LDB2: variants seen among roughly 807,000 people sequenced by gnomAD.
The protein encoded by LDB2 is LIM domain-binding protein 2.
Under a neutral mutation model 44.3 loss-of-function variants are expected in LDB2, and 12 were observed. That is an observed-to-expected ratio of 0.27 (90% confidence interval 0.17 to 0.44). LDB2 has a LOEUF of 0.44. Ranked by LOEUF, LDB2 falls within the 20% of genes least tolerant of loss-of-function variation. The pLI, the probability that LDB2 is intolerant of heterozygous loss-of-function variation, is 1.00. For missense variants in LDB2, 344 were observed against 473.5 expected, an observed-to-expected ratio of 0.73 and a Z score of 2.54; for synonymous variants, 164 against 174.8, an observed-to-expected ratio of 0.94 and a Z score of 0.49.
At chr4:16,878,312 G>T (rs911216419) in intron 1 of LDB2, among the ~76,000 whole-genome samples, 9 of 152,160 alleles carry the variant, frequency 5.9e-5, no homozygotes, top group African/African-American at 9.7e-5. Flanking sequence ...CTGTTGACAA[G>T]AATAGATAAA....
At chr4:16,543,175 A>T (rs371801566) in intron 5 of LDB2, among the ~76,000 whole-genome samples, 1 of 152,094 alleles carries the variant, frequency 6.6e-6, no homozygotes, top group Non-Finnish European at 1.5e-5. Context: ...TCTATCATTG[A>T]TGGACATTTG....
At chr4:16,809,370 A>G (rs1034115395) in intron 1 of LDB2, among the ~76,000 whole-genome samples, 3 of 152,222 alleles carry the variant, frequency 2.0e-5, no homozygotes, top group African/African-American at 4.8e-5. Flanking sequence ...AATCAGTTCA[A>G]CAAACAGGTG....
intron 2 of LDB2, among the ~76,000 whole-genome samples, chr4:16,600,119 G>C (rs1722171525): frequency 6.6e-6 from 1 of 151,986 alleles, no homozygotes; most frequent in South Asian, 2.1e-4. Flanking sequence ...TGCACAGTCA[G>C]ATATAAATGA....
chr4:16,645,379 G>A (rs4416473), intron 2 of LDB2, among the ~76,000 whole-genome samples: 148,558 of 149,918 alleles, frequency 0.99, 73,622 homozygotes, highest in Middle Eastern at 1. Context: ...TACTAAAAAT[G>A]CAAAAAAATT....
At chr4:16,793,833 C>A (rs1776224900) in intron 1 of LDB2, among the ~76,000 whole-genome samples, 3 of 152,082 alleles carry the variant, frequency 2.0e-5, no homozygotes, top group Admixed American at 2.0e-4. Flanking sequence ...TTAAGAGGGA[C>A]CAGAATGTAA....
At chr4:16,583,571 AGAT>A (rs1442833851) in intron 5 of LDB2, among the ~76,000 whole-genome samples, 1 of 152,242 alleles carries the variant, frequency 6.6e-6, no homozygotes, top group Admixed American at 6.5e-5. Flanking sequence ...TAAAAAAATT[AGAT>A]GATAAGGCTA....
At position 16,543,763 on chromosome 4, in the gene LDB2, T is replaced by TGGATATAATTAAACTAAAGAGCTTC. The variant is rs1301532292; in HGVS notation, c.616-31684_616-31660dup. On this transcript the variant is annotated intron_variant, in intron 5 of 7. Transcript: ENST00000304523. ...GGCAACAAAAGCCAAAATTGACAAA[T>TGGATATAATTAAACTAAAGAGCTTC]GGATATAATTAAACTAAAGAGCTTC... 5.7e-4 allele frequency among the ~76,000 whole-genome samples: 86 copies of TGGATATAATTAAACTAAAGAGCTTC among 152,150 alleles called. 1 individual carries two copies. The highest frequency in any genetic ancestry group is 1.5e-3 in the South Asian group (7 of 4,816).
At chr4:16,618,308 T>C (rs1012860690) in intron 2 of LDB2, among the ~76,000 whole-genome samples, 1 of 152,170 alleles carries the variant, frequency 6.6e-6, no homozygotes, top group East Asian at 1.9e-4. Context: ...CCAGATCAGA[T>C]TCAGAGACAC....
At chr4:16,689,781 T>C (rs1475433600) in intron 2 of LDB2, among the ~76,000 whole-genome samples, 1 of 152,234 alleles carries the variant, frequency 6.6e-6, no homozygotes, top group Non-Finnish European at 1.5e-5. Flanking sequence ...TGAATAATGA[T>C]GCATTCTGGT....
intron 2 of LDB2, among the ~76,000 whole-genome samples, chr4:16,620,877 C>T (rs1010510207): frequency 1.3e-5 from 2 of 152,166 alleles, no homozygotes; most frequent in African/African-American, 4.8e-5. Flanking sequence ...TCTCCAGTAA[C>T]TGTTTATACC....
chr4:16,743,703 G>GA lies in LDB2; in HGVS notation c.235+15454dup, dbSNP rs932712371. 1.1e-4 allele frequency among the ~76,000 whole-genome samples: 16 copies of GA among 150,384 alleles called. No individual in the cohort carries two copies. In the East Asian group the frequency reaches 1.8e-3, roughly 16 times the overall value. ...GAAAGCAGCCCCCAGTTAATAGCCA[G>GA]AAAAAAAAACCCAGAAACCTCCATC... On this transcript the variant is annotated intron_variant, in intron 2 of 7. Coordinates refer to ENST00000304523, the MANE Select transcript of LDB2 (RefSeq NM_001290.5).
chr4:16,567,381 T>C (rs1577807135), intron 5 of LDB2, among the ~76,000 whole-genome samples: 1 of 59,478 alleles, frequency 1.7e-5, no homozygotes, highest in East Asian at 2.4e-4. Flanking sequence ...TGTGTGTGTG[T>C]GTGCGCGTGT....
At chr4:16,517,636 C>T (rs57243302) in intron 5 of LDB2, among the ~76,000 whole-genome samples, 13,638 of 152,150 alleles carry the variant, frequency 0.09, 922 homozygotes, top group African/African-American at 0.17. Context: ...CAGCAAGGCC[C>T]GAGATCCCTC....
intron 1 of LDB2, among the ~76,000 whole-genome samples, chr4:16,839,113 A>G (rs1362269889): frequency 2.0e-5 from 3 of 152,232 alleles, no homozygotes; most frequent in Non-Finnish European, 4.4e-5. Flanking sequence ...GACACTTAAT[A>G]TACAAGCTTA....
chr4:16,802,738 G>A (rs1778082976), intron 1 of LDB2, among the ~76,000 whole-genome samples: 1 of 152,144 alleles, frequency 6.6e-6, no homozygotes, highest in Admixed American at 6.5e-5. Context: ...GACCCAGTGG[G>A]AGATAATTGA....
At chr4:16,863,654 C>CTA (rs1713518293) in intron 1 of LDB2, among the ~76,000 whole-genome samples, 1 of 99,878 alleles carries the variant, frequency 1.0e-5, no homozygotes, top group Admixed American at 1.1e-4. Context: ...GACTCACATT[C>CTA]TCTTTTTTTT....
At chr4:16,675,618 T>A (rs1395292) in intron 2 of LDB2, among the ~76,000 whole-genome samples, 121,040 of 151,862 alleles carry the variant, frequency 0.8, 48,498 homozygotes, top group South Asian at 0.88. Flanking sequence ...AAAAATAATC[T>A]AGATAAATAA....
At chr4:16,859,979 A>G (rs1711964328) in intron 1 of LDB2, among the ~76,000 whole-genome samples, 5 of 152,222 alleles carry the variant, frequency 3.3e-5, no homozygotes, top group Admixed American at 3.3e-4. Flanking sequence ...ACAGATGAGA[A>G]AACCTCTCAG....
chr4:16,503,009 G>A (rs1717918310), intron 7 of LDB2, 136 bp from the exon 8 acceptor site: 9 of 1,586,076 alleles, frequency 5.7e-6, no homozygotes, highest in Admixed American at 3.5e-5. Flanking sequence ...TCTCAATGTC[G>A]GGGGCCGAGA....
Sources: allele counts gnomAD v4.1 joint callset (sites outside exome capture counted in the v4.1 genomes callset), GRCh38; gene constraint gnomAD v4.1.1; transcripts MANE v1.5; gene names NCBI Gene and HGNC (gene_info 2026-07-23, HGNC 2026-07-21).